Variants in GID4 observed in about 807,000 individuals in gnomAD.
The protein encoded by GID4 is GID complex subunit 4 homolog, also known as glucose-induced degradation protein 4 homolog.
In GID4, 7 loss-of-function variants were observed where a neutral mutation model predicts 32.4. The observed-to-expected ratio is 0.22, with a 90% CI of 0.12 to 0.41. GID4 has a LOEUF of 0.41. Ranked by LOEUF, GID4 falls within the 10% of genes least tolerant of loss-of-function variation. The probability of loss-of-function intolerance (pLI) is 1.00; values close to 1 mark genes in which losing one functional copy is unlikely to be tolerated. For synonymous variants in GID4, 166 were observed against 170.0 expected (o/e 0.98, Z 0.18); for missense variants, 309 against 400.0 (o/e 0.77, Z 1.94).
intron 2 of GID4, among the ~76,000 whole-genome samples, chr17:18,051,674 CAA>C (rs755446451): frequency 6.4e-5 from 8 of 124,588 alleles, no homozygotes; most frequent in African/African-American, 6.0e-5. Flanking sequence ...GACTCCATCT[CAA>C]AAAAAAAAAA....
intron 3 of GID4, among the ~76,000 whole-genome samples, chr17:18,057,988 A>G (rs1328208838): frequency 1.3e-5 from 2 of 152,052 alleles, no homozygotes; most frequent in Non-Finnish European, 2.9e-5. Context: ...GACCACCACC[A>G]CACCCAACTA....
chr17:18,045,758 G>T (rs2044846698), intron 2 of GID4, among the ~76,000 whole-genome samples: 1 of 151,820 alleles, frequency 6.6e-6, no homozygotes, highest in South Asian at 2.1e-4. Context: ...GCCGGGCATG[G>T]TGGCACAGAC....
rs543360669 is a variant in GID4, at chr17:18,065,924, G to A, written c.*681G>A. Reference sequence around the variant, plus strand: ...GCCATCAGGGATCACTAAATTTAAGGCTTCCAGATCCCTGGCAGGAACAGA... The same window carrying A: ...GCCATCAGGGATCACTAAATTTAAGACTTCCAGATCCCTGGCAGGAACAGA... On this transcript the variant is annotated 3_prime_UTR_variant, in exon 6 of 6. Coordinates refer to ENST00000268719, the MANE Select transcript of GID4 (RefSeq NM_024052.5). 2.0e-5 allele frequency: 3 copies of A among 152,414 alleles called. No homozygotes were observed. Among genetic ancestry groups the A allele is most frequent in the South Asian group, 4.1e-4 (2 of 4,838 alleles). The allele number at this position is 152,414 out of a possible 1,614,324, so 9.4% of individuals were successfully genotyped here. A position where few individuals can be genotyped will look rare whatever the true frequency, so the allele number is the denominator to read the frequency against.
intron 3 of GID4, among the ~76,000 whole-genome samples, chr17:18,055,032 G>A (rs371551556): frequency 6.6e-6 from 1 of 152,072 alleles, no homozygotes; most frequent in Admixed American, 6.6e-5. Context: ...TTAGCTGGGC[G>A]TGGTGGTGGG....
In GID4 at chr17:18,039,682, T is replaced by C. The variant is rs1597685694; in HGVS notation, c.218T>C (p.Leu73Pro). The part of the protein sequence containing the change: ...SRAAAAVPLP[L>P]PPALAPGDPA... ...GCGGCGGCGGCGGTTCCTCTCCCAC[T>C]CCCCCCAGCCCTGGCTCCGGGGGAC... The change falls in exon 1 of 6, where the codon CTC (leucine) becomes CCC (proline). Residue 73 changes from leucine to proline, a missense_variant. Transcript: ENST00000268719. This position sits in a 1 kb window ranked among gnomAD's most constrained non-coding sequence, Gnocchi z 5.3. 5 of 1,268,212 alleles carry C rather than the reference T, an allele frequency of 3.9e-6. No individual in the cohort carries two copies. The highest frequency in any genetic ancestry group is 1.7e-5 in the South Asian group (1 of 60,240). The allele number at this position is 1,268,212 out of a possible 1,614,324, so 78.6% of individuals were successfully genotyped here.
chr17:18,050,914 T>C (rs1302670809), intron 2 of GID4, among the ~76,000 whole-genome samples: 1 of 152,208 alleles, frequency 6.6e-6, no homozygotes, highest in African/African-American at 2.4e-5. Flanking sequence ...TTACCCCTCA[T>C]TGGGCTGTAA....
chr17:18,065,424 G>A lies in GID4; in HGVS notation c.*181G>A. On this transcript the variant is annotated 3_prime_UTR_variant, in exon 6 of 6. Coordinates refer to ENST00000268719, the MANE Select transcript of GID4 (RefSeq NM_024052.5). Reference sequence around the variant, plus strand: ...AGGAGCATGGCTGGCCCGTGGGGCAGGTGGAGGGAGCAGTCTTCGTTCTTC... The same window carrying A: ...AGGAGCATGGCTGGCCCGTGGGGCAAGTGGAGGGAGCAGTCTTCGTTCTTC... The A allele has an allele frequency of 1.6e-6, 1 of 617,248 alleles. No individual in the cohort carries two copies. Among genetic ancestry groups the A allele is most frequent in the East Asian group, 2.8e-5 (1 of 35,542 alleles). 38.2% of individuals were successfully genotyped at this position (617,248 alleles called of 1,614,324 possible).
intron 1 of GID4, among the ~76,000 whole-genome samples, chr17:18,044,224 G>A (rs948715246): frequency 6.6e-5 from 10 of 152,192 alleles, no homozygotes; most frequent in Non-Finnish European, 1.5e-5. Flanking sequence ...CACATCTGAT[G>A]AGCCAGAAAT....
At chr17:18,063,421 G>GT (rs1367993451) in intron 5 of GID4, among the ~76,000 whole-genome samples, 1 of 151,978 alleles carries the variant, frequency 6.6e-6, no homozygotes, top group African/African-American at 2.4e-5. Flanking sequence ...AAAAAAAAGT[G>GT]TACAAGTCAG....
At chr17:18,041,555 G>A (rs2044803464) in intron 1 of GID4, among the ~76,000 whole-genome samples, 1 of 151,886 alleles carries the variant, frequency 6.6e-6, no homozygotes, top group African/African-American at 2.4e-5. Context: ...CTAATGTAGT[G>A]ATCCTCTTCT....
intron 2 of GID4, 113 bp downstream of exon 2, chr17:18,045,319 A>G (rs746684902): frequency 3.7e-5 from 26 of 694,934 alleles, no homozygotes; most frequent in Non-Finnish European, 5.9e-5. Context: ...AAAGCAGACT[A>G]CTCCTGAGCA....
At position 18,054,128 on chromosome 17, in the gene GID4, A is replaced by C. The variant is rs530802625; in HGVS notation, c.500A>C (p.Glu167Ala). Residue 167 changes from glutamate (E) to alanine (A), a missense_variant and splice_region_variant, in exon 3 of 6, where the codon GAG (glutamate) becomes GCG (alanine). By Grantham distance (107) the Glu-to-Ala change is moderately radical. This residue lies in a region of GID4 where 116 missense variants were observed against 214.2 expected (regional missense o/e 0.54). Coordinates refer to ENST00000268719, the MANE Select transcript of GID4 (RefSeq NM_024052.5). ...TTGATATTTGGGTTTTTACCATAGG[A>C]GTATCCAACCCTTACAACCTTCTTC... ...GYLKIKGLTEEYPTLTTFFEG... is the reference protein window; with the variant it reads ...GYLKIKGLTEAYPTLTTFFEG... The C allele has an allele frequency of 6.4e-7, 1 of 1,566,182 alleles. No homozygotes were observed. The highest frequency in any genetic ancestry group is 1.4e-5 in the African/African-American group (1 of 74,028).
At chr17:18,050,168 A>G (rs1245242012) in intron 2 of GID4, among the ~76,000 whole-genome samples, 1 of 152,220 alleles carries the variant, frequency 6.6e-6, no homozygotes, top group African/African-American at 2.4e-5. Context: ...ACTATTGTGA[A>G]TAGTGCTACA....
intron 3 of GID4, among the ~76,000 whole-genome samples, 177 bp from the exon 4 acceptor site, chr17:18,058,691 A>G (rs528284091): frequency 1.6e-4 from 25 of 152,314 alleles, no homozygotes; most frequent in African/African-American, 6.0e-4. Flanking sequence ...TTGAGTCTGC[A>G]TTCAATGGGG....
At chr17:18,058,077 C>T (rs1411779394) in intron 3 of GID4, among the ~76,000 whole-genome samples, 1 of 152,196 alleles carries the variant, frequency 6.6e-6, no homozygotes, top group Non-Finnish European at 1.5e-5. Flanking sequence ...TTGTGATCTG[C>T]CTGCCTTGGC....
At chr17:18,054,307 C>T (rs2044943674) in intron 3 of GID4, 73 bp downstream of exon 3, 1 of 936,216 alleles carries the variant, frequency 1.1e-6, no homozygotes, top group Admixed American at 2.0e-5. Flanking sequence ...GAGCCAGAGA[C>T]CTTGTCCCTT....
At chr17:18,057,386 C>G (rs1214808572) in intron 3 of GID4, 1 of 201,482 alleles carries the variant, frequency 5.0e-6, no homozygotes, top group African/African-American at 2.3e-5. Context: ...GAGCTGAGAT[C>G]ATGCCATTGC....
chr17:18,064,486 C>T (rs1052698183), intron 5 of GID4, among the ~76,000 whole-genome samples: 2 of 152,134 alleles, frequency 1.3e-5, no homozygotes, highest in African/African-American at 4.8e-5. Context: ...TTCCACACTC[C>T]TGTATGAAAC....
intron 5 of GID4, among the ~76,000 whole-genome samples, chr17:18,063,417 A>C (rs1169888768): frequency 6.6e-6 from 1 of 152,160 alleles, no homozygotes; most frequent in East Asian, 1.9e-4. Context: ...CTCAAAAAAA[A>C]AGTGTACAAG....
Sources: allele counts gnomAD v4.1 joint callset (sites outside exome capture counted in the v4.1 genomes callset), GRCh38; gene constraint gnomAD v4.1.1; regional missense constraint gnomAD v4.1.1; non-coding constraint Gnocchi (gnomAD v3.1); transcripts MANE v1.5; gene names NCBI Gene and HGNC (gene_info 2026-07-23, HGNC 2026-07-21).